Variants in RANBP17 observed in about 807,000 individuals in gnomAD.
RANBP17 encodes the protein RAN binding protein 17, also known as ran-binding protein 17.
RANBP17 carries 158 observed loss-of-function variants against 141.2 expected under a neutral mutation model. That is an observed-to-expected ratio of 1.12 (90% CI 0.98 to 1.28). The LOEUF is 1.28. Among genes scored for constraint, RANBP17 ranks in the 50% most tolerant of loss-of-function variants. The pLI is 0.00. For missense variants in RANBP17, 1,438 were observed against 1,290.7 expected (o/e 1.11, Z -1.75); for synonymous variants, 430 against 450.0 (o/e 0.96, Z 0.56).
chr5:171,293,065 A>G (rs1163343800), intron 25 of RANBP17, among the ~76,000 whole-genome samples: 1 of 152,122 alleles, frequency 6.6e-6, no homozygotes, highest in Non-Finnish European at 1.5e-5. Flanking sequence ...TTCTTTGCTT[A>G]GAACACATTT....
intron 24 of RANBP17, chr5:171,251,819 T>C (rs1296829553): frequency 3.4e-5 from 43 of 1,246,854 alleles, no homozygotes; most frequent in Non-Finnish European, 5.1e-5. Flanking sequence ...CGGATGTAAA[T>C]CCTAATGACA....
chr5:171,139,914 TC>T (rs1757576591), intron 14 of RANBP17, among the ~76,000 whole-genome samples: 1 of 152,190 alleles, frequency 6.6e-6, no homozygotes, highest in African/African-American at 2.4e-5. Flanking sequence ...GCCTCAATTT[TC>T]CCCTTTAACT....
intron 14 of RANBP17, among the ~76,000 whole-genome samples, chr5:170,976,934 G>A (rs1777420363): frequency 1.3e-5 from 2 of 152,002 alleles, no homozygotes; most frequent in Non-Finnish European, 2.9e-5. Context: ...TTATGACTTT[G>A]GACAATGGTT....
At chr5:171,153,536 A>G (rs969717965) in intron 14 of RANBP17, among the ~76,000 whole-genome samples, 4 of 152,220 alleles carry the variant, frequency 2.6e-5, no homozygotes, top group African/African-American at 7.2e-5. Context: ...GAGGCCCATG[A>G]CTGATATGCA....
intron 14 of RANBP17, among the ~76,000 whole-genome samples, chr5:170,981,317 T>C (rs547407929): frequency 3.3e-5 from 5 of 152,034 alleles, no homozygotes; most frequent in Non-Finnish European, 7.4e-5. Context: ...GAAGGCATGA[T>C]TGGTTTTGAA....
intron 12 of RANBP17, among the ~76,000 whole-genome samples, chr5:170,939,260 T>C (rs1266718094): frequency 6.6e-6 from 1 of 152,172 alleles, no homozygotes; most frequent in Non-Finnish European, 1.5e-5. Context: ...CATTAAAGGT[T>C]TTTATTAAAC....
Position 171,157,245 on chromosome 5 carries a change from G to A in RANBP17, c.1711-12885G>A, listed in dbSNP as rs149511231. On this transcript the variant is annotated intron_variant, in intron 14 of 27. Transcript: ENST00000523189. Reference sequence around the variant, plus strand: ...TAATAATTTTCAGCTTGCTTCTCTGGCTGTTTAAAAGAAAACAGAGGGTGA... The same window carrying A: ...TAATAATTTTCAGCTTGCTTCTCTGACTGTTTAAAAGAAAACAGAGGGTGA... Among the ~76,000 whole-genome samples, 834 of 152,216 alleles carry A rather than the reference G, an allele frequency of 5.5e-3. 5 individuals carry two copies. The highest frequency in any genetic ancestry group is 7.9e-3 in the Non-Finnish European group (539 of 67,990).
intron 18 of RANBP17, among the ~76,000 whole-genome samples, chr5:171,196,534 C>G (rs1175001686): frequency 6.6e-6 from 1 of 152,094 alleles, no homozygotes; most frequent in African/African-American, 2.4e-5. Context: ...TGCAGTTATA[C>G]TTTTTTTGAT....
intron 20 of RANBP17, among the ~76,000 whole-genome samples, chr5:171,212,160 T>C (rs983198010): frequency 1.3e-5 from 2 of 152,196 alleles, no homozygotes; most frequent in East Asian, 1.9e-4. Context: ...CCTGGGATAA[T>C]TGACACCTAT....
chr5:170,970,916 GC>G (rs1208868097), intron 14 of RANBP17, among the ~76,000 whole-genome samples: 1 of 152,050 alleles, frequency 6.6e-6, no homozygotes, highest in African/African-American at 2.4e-5. Flanking sequence ...TACTATTTCT[GC>G]CTTGTTTATT....
At chr5:171,088,438 G>A (rs1196780607) in intron 14 of RANBP17, among the ~76,000 whole-genome samples, 1 of 152,112 alleles carries the variant, frequency 6.6e-6, no homozygotes, top group Non-Finnish European at 1.5e-5. Context: ...ACAATTATGT[G>A]TCTTGGAGTT....
chr5:171,268,477 C>A (rs2128023653), intron 25 of RANBP17, among the ~76,000 whole-genome samples: 1 of 152,236 alleles, frequency 6.6e-6, no homozygotes, highest in East Asian at 1.9e-4. Context: ...AGGATAATAT[C>A]TCAGCTTCAC....
intron 14 of RANBP17, among the ~76,000 whole-genome samples, chr5:170,989,852 T>G (rs958602025): frequency 2.0e-5 from 3 of 151,792 alleles, no homozygotes; most frequent in Non-Finnish European, 4.4e-5. Flanking sequence ...TCAACTTTCA[T>G]GTATACAGTA....
intron 14 of RANBP17, among the ~76,000 whole-genome samples, chr5:171,058,369 T>C (rs245751): frequency 0.56 from 78,990 of 141,560 alleles, 24,697 homozygotes; most frequent in South Asian, 0.81. Context: ...TGTCCATGTG[T>C]TCTCATTGTT....
At chr5:170,902,754 A>T (rs1448014958) in intron 5 of RANBP17, among the ~76,000 whole-genome samples, 1 of 152,080 alleles carries the variant, frequency 6.6e-6, no homozygotes, top group African/African-American at 2.4e-5. Flanking sequence ...TCTGTTTGTT[A>T]GTTTTCCTTC....
At chr5:170,901,265 G>C (rs1309936999) in intron 5 of RANBP17, among the ~76,000 whole-genome samples, 2 of 152,092 alleles carry the variant, frequency 1.3e-5, no homozygotes, top group African/African-American at 2.4e-5. Flanking sequence ...ATTATGTAAT[G>C]CCCTTCTTTG....
rs919976247 is a variant in RANBP17 at position 171,181,124 on chromosome 5, T to G, written c.1866-2043T>G. Among the ~76,000 whole-genome samples, 8 of 152,144 alleles carry G rather than the reference T, an allele frequency of 5.3e-5. 1 individual carries two copies. On this transcript the variant is annotated intron_variant, in intron 16 of 27. Transcript: ENST00000523189. ...TGACACTAGGAATAATCATCAAATC[T>G]GCATCTTTGGAGGCAAGGAAAAACT...
intron 22 of RANBP17, among the ~76,000 whole-genome samples, chr5:171,232,373 T>A (rs1042017705): frequency 6.6e-6 from 1 of 152,204 alleles, no homozygotes; most frequent in Non-Finnish European, 1.5e-5. Context: ...TTAAGGAAGG[T>A]ATGGAACCAC....
Position 171,095,025 on chromosome 5 carries a change from T to C in RANBP17, c.1711-75105T>C, listed in dbSNP as rs369784694. Reference sequence around the variant, plus strand: ...TCTGTGTTTGCTTGCTATTCCAACATGTTATAACATAGCACAGAGGCCCTT... The same window carrying C: ...TCTGTGTTTGCTTGCTATTCCAACACGTTATAACATAGCACAGAGGCCCTT... On this transcript the variant is annotated intron_variant, in intron 14 of 27. Coordinates refer to ENST00000523189, the MANE Select transcript of RANBP17 (RefSeq NM_022897.5). 3.3e-5 allele frequency among the ~76,000 whole-genome samples: 5 copies of C among 152,298 alleles called. 1 individual carries two copies. In the East Asian group the frequency reaches 7.7e-4, roughly 23 times the overall value.
Sources: allele counts gnomAD v4.1 joint callset (sites outside exome capture counted in the v4.1 genomes callset), GRCh38; gene constraint gnomAD v4.1.1; transcripts MANE v1.5; gene names NCBI Gene and HGNC (gene_info 2026-07-23, HGNC 2026-07-21).